The following ADSS1 variants were observed in gnomAD, a reference collection of about 807,000 sequenced individuals.
The protein encoded by ADSS1 is adenylosuccinate synthetase isozyme 1.
In ADSS1, 57 loss-of-function variants were observed where a neutral mutation model predicts 59.1. That is an observed-to-expected ratio of 0.97 (90% CI 0.78 to 1.20). The LOEUF (loss-of-function observed/expected upper bound fraction) is 1.20. ADSS1 is among the 50% of genes most tolerant of loss of function. The pLI is 0.00. For missense variants in ADSS1, 603 were observed against 610.3 expected (o/e 0.99, Z 0.13); for synonymous variants, 247 against 249.4 (o/e 0.99, Z 0.09).
chr14:104,742,944 G>T (rs1891423479), intron 9 of ADSS1, 123 bp from the exon 10 acceptor site: 1 of 1,415,626 alleles, frequency 7.1e-7, no homozygotes, highest in Non-Finnish European at 9.7e-7. Flanking sequence ...AAGGACTGTC[G>T]GTGGAGGCGG....
At position 104,738,454 on chromosome 14, in the gene ADSS1, T is replaced by C. The variant is rs199832023; in HGVS notation, c.358+16T>C. 328 of 1,613,012 alleles carry C rather than the reference T, an allele frequency of 2.0e-4. No individual in the cohort carries two copies. In the African/African-American group the frequency reaches 4.2e-3, roughly 21 times the overall value. On this transcript the variant is annotated intron_variant, in intron 3 of 12. Coordinates refer to ENST00000330877, the MANE Select transcript of ADSS1 (RefSeq NM_152328.5). The stretch of plus-strand genomic sequence containing the variant: ...GAAAAGAAAGGTAGGTCCAAGCTCC[T>C]GCAGACTTGCCCTGTCCCAGACGCG...
At chr14:104,739,098 G>T (rs1891232425) in intron 3 of ADSS1, among the ~76,000 whole-genome samples, 1 of 152,198 alleles carries the variant, frequency 6.6e-6, no homozygotes, top group Admixed American at 6.5e-5. Flanking sequence ...AGGCACGAGA[G>T]TGGGCATCCT....
intron 1 of ADSS1, among the ~76,000 whole-genome samples, chr14:104,732,741 A>G (rs866558068): frequency 2.0e-5 from 3 of 152,002 alleles, no homozygotes; most frequent in Non-Finnish European, 2.9e-5. Flanking sequence ...GGCTGTGTAC[A>G]AGGGATAGGC....
At chr14:104,736,902 A>ATATATATATG (rs1891153693) in intron 2 of ADSS1, among the ~76,000 whole-genome samples, 1 of 137,880 alleles carries the variant, frequency 7.3e-6, no homozygotes, top group Non-Finnish European at 1.6e-5. Context: ...ATATATATAT[A>ATATATATATG]TATATATATA....
In ADSS1 at chr14:104,740,284, A is replaced by T. The variant is rs1891294176; in HGVS notation, c.477-317A>T. Among the ~76,000 whole-genome samples, 1 of 151,822 alleles carries T rather than the reference A, an allele frequency of 6.6e-6. No individual in the cohort carries two copies. Among genetic ancestry groups the T allele is most frequent in the Non-Finnish European group, 1.5e-5 (1 of 67,960 alleles). The stretch of plus-strand genomic sequence containing the variant: ...ACTCATGCTCTTACATACACACCAC[A>T]CGCCCACGCATGCTCGCACAGTTAT... On this transcript the variant is annotated intron_variant, in intron 5 of 12. Coordinates refer to ENST00000330877, the MANE Select transcript of ADSS1 (RefSeq NM_152328.5). This position sits in a 1 kb window ranked among gnomAD's most constrained non-coding sequence, Gnocchi z 4.8.
Position 104,743,101 on chromosome 14 carries a change from AGT to A in ADSS1, c.985_986del (p.Trp329GlyfsTer43), listed in dbSNP as rs1261067167. 1 of 1,613,142 alleles carries A rather than the reference AGT, an allele frequency of 6.2e-7. No individual in the cohort carries two copies. Among genetic ancestry groups the A allele is most frequent in the South Asian group, 1.1e-5 (1 of 91,078 alleles). Reference sequence around the variant, plus strand: ...GGCCTGCTGCAGACCCGCGGCCACGAGTGGGGAGTGACCACAGGCAGGAAGAG... The same window carrying A: ...GGCCTGCTGCAGACCCGCGGCCACGAGGGGAGTGACCACAGGCAGGAAGAG... On this transcript the variant is annotated frameshift_variant, in exon 10 of 13. Transcript: ENST00000330877. LOFTEE classifies it high-confidence loss of function.
intron 7 of ADSS1, 66 bp from the exon 8 acceptor site, chr14:104,741,051 C>T: frequency 6.3e-7 from 1 of 1,586,626 alleles, no homozygotes; most frequent in Non-Finnish European, 8.6e-7. Flanking sequence ...GGCCAACCTT[C>T]TTGGGACGCA....
intron 1 of ADSS1, 32 bp from the exon 2 acceptor site, chr14:104,734,988 G>T (rs1485715527): frequency 6.3e-7 from 1 of 1,599,924 alleles, no homozygotes; most frequent in South Asian, 1.1e-5. Flanking sequence ...CAGTACCCAA[G>T]TGCCTTCAGC....
At chr14:104,730,825 C>T (rs1023380530) in intron 1 of ADSS1, among the ~76,000 whole-genome samples, 2 of 152,062 alleles carry the variant, frequency 1.3e-5, no homozygotes, top group African/African-American at 4.8e-5. Context: ...GGGGTCAGAG[C>T]TGTGTTTGGT....
chr14:104,729,008 C>T (rs1566793619), intron 1 of ADSS1, among the ~76,000 whole-genome samples: 1 of 152,224 alleles, frequency 6.6e-6, no homozygotes, highest in Non-Finnish European at 1.5e-5. Context: ...AGTCCGCTAA[C>T]GCTGTGGGGA....
At chr14:104,733,426 C>G (rs547350734) in intron 1 of ADSS1, among the ~76,000 whole-genome samples, 10 of 152,214 alleles carry the variant, frequency 6.6e-5, no homozygotes, top group South Asian at 4.1e-4. Context: ...ATCTGCCCCC[C>G]CTCTGTCCCC....
At chr14:104,729,338 G>A (rs534536995) in intron 1 of ADSS1, among the ~76,000 whole-genome samples, 1 of 152,204 alleles carries the variant, frequency 6.6e-6, no homozygotes, top group Non-Finnish European at 1.5e-5. Flanking sequence ...CAGGACGATG[G>A]CTGCAGGGCA....
chr14:104,738,567 C>T (rs923959839), intron 3 of ADSS1, 129 bp downstream of exon 3: 1 of 1,040,708 alleles, frequency 9.6e-7, no homozygotes, highest in Non-Finnish European at 1.4e-6. Flanking sequence ...CATAGCTGGC[C>T]CAGCTCATCA....
In ADSS1 at chr14:104,746,958, G is replaced by C. The variant is rs1361595437; in HGVS notation, c.1329G>C (p.Trp443Cys). The stretch of plus-strand genomic sequence containing the variant: ...TCTTTTCTGCTCTCTCAGTCAAATG[G>C]GTTGGTGTTGGCAAGTCAAGAGAGT... ...VENHVGVAVKWVGVGKSRESM... is the reference protein window; with the variant it reads ...VENHVGVAVKCVGVGKSRESM... Residue 443 changes from tryptophan to cysteine, a missense_variant, in exon 13 of 13, where the codon TGG becomes TGC. Transcript: ENST00000330877. The C allele has an allele frequency of 6.2e-7, 1 of 1,613,978 alleles. No homozygotes were observed. The highest frequency in any genetic ancestry group is 1.7e-5 in the Admixed American group (1 of 60,008).
Position 104,741,963 on chromosome 14 carries a change from A to T in ADSS1, c.909A>T (p.Thr303=). ...DVYGVVKAYT[T]RVGIGAFPTE... ...ATGGCGTGGTGAAAGCCTATACCAC[A>T]CGTGTGGGCATCGGGGCCTTCCCCA... Residue 303 remains threonine, a synonymous_variant, in exon 9 of 13, where the codon ACA becomes ACT. Transcript: ENST00000330877. 6.2e-7 allele frequency: 1 copy of T among 1,613,216 alleles called. No individual in the cohort carries two copies. Among genetic ancestry groups the T allele is most frequent in the African/African-American group, 1.3e-5 (1 of 75,042 alleles).
In ADSS1 at chr14:104,743,171, C is replaced by T; in HGVS notation, c.1053C>T (p.His351=). ...WLDLMILRYA[H]MVNGFTALAL... ...ACCTGATGATTCTAAGATATGCTCA[C>T]ATGGTCAACGGATTCACTGCGTAAG... Residue 351 remains histidine (H), a synonymous_variant, in exon 10 of 13, where the codon CAC becomes CAT. Coordinates refer to ENST00000330877, the MANE Select transcript of ADSS1 (RefSeq NM_152328.5). 6.2e-7 allele frequency: 1 copy of T among 1,611,822 alleles called. No homozygotes were observed. Among genetic ancestry groups the T allele is most frequent in the Non-Finnish European group, 8.5e-7 (1 of 1,179,984 alleles).
chr14:104,728,695 A>G (rs1344019170), intron 1 of ADSS1, among the ~76,000 whole-genome samples: 1 of 152,158 alleles, frequency 6.6e-6, no homozygotes, highest in Non-Finnish European at 1.5e-5. Context: ...CAGGAGCCTC[A>G]CGGCCTCTGA....
intron 2 of ADSS1, 105 bp from the exon 3 acceptor site, chr14:104,738,271 T>TA: frequency 8.3e-7 from 1 of 1,209,958 alleles, no homozygotes; most frequent in Non-Finnish European, 1.2e-6. Flanking sequence ...GTGCTAGGAT[T>TA]ACAGGCATGA....
At chr14:104,738,866 C>A (rs1402247435) in intron 3 of ADSS1, among the ~76,000 whole-genome samples, 1 of 152,204 alleles carries the variant, frequency 6.6e-6, no homozygotes. Context: ...GGACGGACGG[C>A]AGCCTGAGTG....
Sources: allele counts gnomAD v4.1 joint callset (sites outside exome capture counted in the v4.1 genomes callset), GRCh38; gene constraint gnomAD v4.1.1; non-coding constraint Gnocchi (gnomAD v3.1); transcripts MANE v1.5; gene names NCBI Gene and HGNC (gene_info 2026-07-23, HGNC 2026-07-21).